Variants in PLEKHM2 observed in about 807,000 individuals in gnomAD.
PLEKHM2 encodes pleckstrin homology and RUN domain containing M2, also known as pleckstrin homology domain-containing family M member 2.
A neutral mutation model predicts 116.3 loss-of-function variants in PLEKHM2; 77 were observed. The ratio of observed to expected loss-of-function variants is 0.66; its 90% CI spans 0.55 to 0.80. PLEKHM2 has a LOEUF of 0.80. Ranked by LOEUF, PLEKHM2 falls within the 30% of genes least tolerant of loss-of-function variation. The probability of loss-of-function intolerance (pLI) is 0.00; values close to 1 mark genes in which losing one functional copy is unlikely to be tolerated. For synonymous variants in PLEKHM2, 562 were observed against 571.0 expected, an observed-to-expected ratio of 0.98 and a Z score of 0.22; for missense variants, 1,183 against 1,354.9, an observed-to-expected ratio of 0.87 and a Z score of 1.99.
chr1:15,702,717 CTTTTTTTT>C (rs34226783), intron 1 of PLEKHM2, among the ~76,000 whole-genome samples: 1 of 89,936 alleles, frequency 1.1e-5, no homozygotes. Flanking sequence ...CGTGCCCAGC[CTTTTTTTT>C]TTTTTTTTTT....
At chr1:15,682,793 G>A (rs1343536008), upstream of PLEKHM2, 1 of 152,342 alleles carries the variant, frequency 6.6e-6, no homozygotes, top group Non-Finnish European at 1.5e-5. Context: ...GGGATGGGGT[G>A]GCCTGAGCAG....
intron 1 of PLEKHM2, among the ~76,000 whole-genome samples, chr1:15,707,494 C>A (rs902764891): frequency 3.9e-5 from 6 of 152,198 alleles, no homozygotes; most frequent in Non-Finnish European, 7.3e-5. Flanking sequence ...ATGGGAGTGG[C>A]TGTGTTCCAA....
In PLEKHM2 at chr1:15,718,557, C is replaced by T; in HGVS notation, c.397C>T (p.His133Tyr). 1 of 1,575,398 alleles carries T rather than the reference C, an allele frequency of 6.3e-7. No homozygotes were observed. The highest frequency in any genetic ancestry group is 1.8e-5 in the Admixed American group (1 of 55,196). Residue 133 changes from histidine (H) to tyrosine (Y), a missense_variant, in exon 5 of 20, where the codon CAC (histidine) becomes TAC (tyrosine). Coordinates refer to ENST00000375799, the MANE Select transcript of PLEKHM2 (RefSeq NM_015164.4). ...TTGCAGGAATGCCCTGGTCTGCAGCCACGATCACCTGACGCTCTTCCTGAC... is the reference window on the plus strand; with the variant it reads ...TTGCAGGAATGCCCTGGTCTGCAGCTACGATCACCTGACGCTCTTCCTGAC... ...YYVKNALVCSHDHLTLFLTLV... is the reference protein window; with the variant it reads ...YYVKNALVCSYDHLTLFLTLV...
At chr1:15,712,865 A>G (rs1273002995) in intron 1 of PLEKHM2, among the ~76,000 whole-genome samples, 3 of 151,894 alleles carry the variant, frequency 2.0e-5, no homozygotes, top group South Asian at 2.1e-4. Flanking sequence ...CAGTGGTGCA[A>G]TCTTGGCTCA....
At chr1:15,731,478 G>T (rs1396101320) in intron 16 of PLEKHM2, among the ~76,000 whole-genome samples, 1 of 152,184 alleles carries the variant, frequency 6.6e-6, no homozygotes, top group African/African-American at 2.4e-5. Context: ...AACAGGTCCA[G>T]TCTGATGGGG....
intron 1 of PLEKHM2, among the ~76,000 whole-genome samples, chr1:15,701,223 G>A (rs2148341078): frequency 6.6e-6 from 1 of 151,710 alleles, no homozygotes; most frequent in Middle Eastern, 3.4e-3. Context: ...CCTGAGGTCA[G>A]GAGTTTGAGA....
At chr1:15,713,032 C>G (rs1405234165) in intron 1 of PLEKHM2, among the ~76,000 whole-genome samples, 1 of 152,168 alleles carries the variant, frequency 6.6e-6, no homozygotes, top group East Asian at 1.9e-4. Flanking sequence ...AACTCCTGAC[C>G]TCAACTGATT....
chr1:15,691,636 G>T (rs1640890000), intron 1 of PLEKHM2, among the ~76,000 whole-genome samples: 1 of 152,190 alleles, frequency 6.6e-6, no homozygotes, highest in Non-Finnish European at 1.5e-5. Flanking sequence ...CCTTGAGCAG[G>T]AGTCTCCCAG....
At position 15,732,365 on chromosome 1, in the gene PLEKHM2, G is replaced by A. The variant is rs748768806; in HGVS notation, c.2641G>A (p.Val881Ile). The part of the protein sequence containing the change: ...AVSKGVIPQG[V>I]APSPCIPCCL... ...CCGCTGCCAGGTCATCCCCCAGGGC[G>A]TAGCTCCCAGCCCCTGCATACCCTG... The change falls in exon 18 of 20, where the codon GTA (valine) becomes ATA (isoleucine). Residue 881 changes from valine to isoleucine, a missense_variant. Around this residue, in one of 3 missense-constraint regions of PLEKHM2, gnomAD observed 594 missense variants for 720.1 expected, o/e 0.82. Transcript: ENST00000375799. The A allele has an allele frequency of 8.4e-6, 13 of 1,554,276 alleles. No individual in the cohort carries two copies. Among genetic ancestry groups the A allele is most frequent in the African/African-American group, 2.7e-5 (2 of 73,254 alleles).
intron 7 of PLEKHM2, among the ~76,000 whole-genome samples, chr1:15,724,139 G>A (rs928339352): frequency 5.3e-5 from 8 of 152,222 alleles, no homozygotes; most frequent in African/African-American, 1.2e-4. Context: ...CTCGGGGGCC[G>A]TGTCAGGGTA....
At position 15,728,489 on chromosome 1, in the gene PLEKHM2, G is replaced by A. The variant is rs1451309618; in HGVS notation, c.1921+132G>A. The A allele has an allele frequency of 6.4e-5, 63 of 990,014 alleles. No individual in the cohort carries two copies. The East Asian group carries it at 8.3e-4, about 13-fold the overall frequency. 61.3% of individuals were successfully genotyped at this position (990,014 alleles called of 1,614,324 possible). ...AGTGATGGAAAGGCACCCCAAGGAA[G>A]GTGTTGCCAGCAGCCCTGAGACGTG... On this transcript the variant is annotated intron_variant, in intron 11 of 19. Coordinates refer to ENST00000375799, the MANE Select transcript of PLEKHM2 (RefSeq NM_015164.4). The surrounding 1 kb of genome is among the most constrained non-coding windows in gnomAD (Gnocchi z 5.9).
rs370612427 is a variant in PLEKHM2 at position 15,727,157 on chromosome 1, G to A, written c.1085G>A (p.Arg362Gln). 93 of 1,598,568 alleles carry A rather than the reference G, an allele frequency of 5.8e-5. No individual in the cohort carries two copies. Among genetic ancestry groups the A allele is most frequent in the Middle Eastern group, 3.3e-4 (2 of 5,998 alleles). The change falls in exon 9 of 20, where the codon CGG becomes CAG. Residue 362 changes from arginine to glutamine, a missense_variant. Arg to Gln is a conservative substitution (Grantham distance 43). Transcript: ENST00000375799. The surrounding 1 kb of genome is among the most constrained non-coding windows in gnomAD (Gnocchi z 7.5). ...CGCAACGGCAGCCCAAGCCTTGGGCGGGACTCGCCAGACACTATGCTTGCC... is the reference window on the plus strand; with the variant it reads ...CGCAACGGCAGCCCAAGCCTTGGGCAGGACTCGCCAGACACTATGCTTGCC... ...DSRNGSPSLG[R>Q]DSPDTMLASP...
At position 15,728,136 on chromosome 1, in the gene PLEKHM2, G is replaced by A; in HGVS notation, c.1818G>A (p.Glu606=). ...TCCACGTGTTCCGAGAAAACGAAGA[G>A]CAGCTGTTCAAAGTAAGTCCTAGGA... The part of the protein sequence containing the change: ...LMIHVFRENE[E]QLFKMIRMST... Residue 606 remains glutamate, a synonymous_variant, in exon 10 of 20, where the codon GAG becomes GAA. Transcript: ENST00000375799. This position sits in a 1 kb window ranked among gnomAD's most constrained non-coding sequence, Gnocchi z 5.9. 1.2e-6 allele frequency: 2 copies of A among 1,611,112 alleles called. No homozygotes were observed. Among genetic ancestry groups the A allele is most frequent in the South Asian group, 1.1e-5 (1 of 90,536 alleles).
intron 7 of PLEKHM2, 128 bp from the exon 8 acceptor site, chr1:15,725,189 C>T: frequency 1.5e-6 from 1 of 658,576 alleles, no homozygotes; most frequent in Non-Finnish European, 2.7e-6. Flanking sequence ...CGAAATGGGG[C>T]CACCCCTGTC....
intron 1 of PLEKHM2, among the ~76,000 whole-genome samples, chr1:15,706,339 T>C (rs1413621576): frequency 1.3e-5 from 2 of 152,032 alleles, no homozygotes; most frequent in African/African-American, 2.4e-5. Flanking sequence ...CGGAATACTT[T>C]CCCCCCGGAT....
At chr1:15,688,123 G>A (rs760277565) in intron 1 of PLEKHM2, among the ~76,000 whole-genome samples, 23 of 152,056 alleles carry the variant, frequency 1.5e-4, no homozygotes, top group Non-Finnish European at 2.2e-4. Flanking sequence ...AGGGCCCCTC[G>A]TTCCCCTCCC....
rs757144990 is a variant in PLEKHM2 at position 15,727,057 on chromosome 1, T to A, written c.985T>A (p.Ser329Thr). The stretch of plus-strand genomic sequence containing the variant: ...AATTGGCAAGAAGAAAAAGAGCAGA[T>A]CAGATGAGGAGGCAAGTCCACTCCA... ...KKIGKKKKSR[S>T]DEEASPLHPA... Residue 329 changes from serine to threonine, a missense_variant, in exon 9 of 20, where the codon TCA (serine) becomes ACA (threonine). Ser to Thr is a moderately conservative substitution (Grantham distance 58). Transcript: ENST00000375799. The surrounding 1 kb of genome is among the most constrained non-coding windows in gnomAD (Gnocchi z 7.5). 3 of 1,497,278 alleles carry A rather than the reference T, an allele frequency of 2.0e-6. No homozygotes were observed. The highest frequency in any genetic ancestry group is 2.7e-6 in the Non-Finnish European group (3 of 1,125,674). 92.7% of individuals were successfully genotyped at this position (1,497,278 alleles called of 1,614,324 possible).
At chr1:15,716,204 T>G in intron 1 of PLEKHM2, 33 bp from the exon 2 acceptor site, 1 of 1,285,202 alleles carries the variant, frequency 7.8e-7, no homozygotes, top group Non-Finnish European at 1.1e-6. Flanking sequence ...TCTTAATCCA[T>G]TTCTGATTTG....
chr1:15,731,635 C>T (rs910128198), intron 16 of PLEKHM2, among the ~76,000 whole-genome samples: 2 of 152,190 alleles, frequency 1.3e-5, no homozygotes, highest in Non-Finnish European at 2.9e-5. Flanking sequence ...ATTCCCAACC[C>T]CTCCTGGCCA....
Sources: allele counts gnomAD v4.1 joint callset (sites outside exome capture counted in the v4.1 genomes callset), GRCh38; gene constraint gnomAD v4.1.1; regional missense constraint gnomAD v4.1.1; non-coding constraint Gnocchi (gnomAD v3.1); transcripts MANE v1.5; gene names NCBI Gene and HGNC (gene_info 2026-07-23, HGNC 2026-07-21).